Variants in TRMT1L observed in about 807,000 individuals in gnomAD.
The protein encoded by TRMT1L is tRNA methyltransferase 1L.
Under a neutral mutation model 81.6 loss-of-function variants are expected in TRMT1L, and 28 were observed. The observed-to-expected ratio is 0.34, with a 90% CI of 0.25 to 0.47. The LOEUF (loss-of-function observed/expected upper bound fraction) is 0.47. TRMT1L is among the 20% of genes least tolerant of loss of function. TRMT1L has a pLI of 1.00. For synonymous variants in TRMT1L, 301 were observed against 303.2 expected, an observed-to-expected ratio of 0.99 and a Z score of 0.07; for missense variants, 739 against 877.1, an observed-to-expected ratio of 0.84 and a Z score of 1.99.
Position 185,156,546 on chromosome 1 carries a change from G to T in TRMT1L, c.167C>A (p.Ala56Asp), listed in dbSNP as rs199956086. The T allele has an allele frequency of 3.5e-4, 562 of 1,609,444 alleles. No homozygotes were observed. The highest frequency in any genetic ancestry group is 4.6e-4 in the Non-Finnish European group (541 of 1,178,086). The change falls in exon 1 of 15, where the codon GCC becomes GAC. Residue 56 changes from alanine to aspartate, a missense_variant. Physicochemically the swap from Ala to Asp is moderately radical, Grantham distance 126. Coordinates refer to ENST00000367506, the MANE Select transcript of TRMT1L (RefSeq NM_030934.5). The part of the protein sequence containing the change: ...APTPASAPAP[A>D]PALAQAPALS... ...GGCCGGAGCCTGGGCCAGGGCAGGGGCTGGGGCTGGAGCCGAGGCCGGAGT... is the reference window on the plus strand; with the variant it reads ...GGCCGGAGCCTGGGCCAGGGCAGGGTCTGGGGCTGGAGCCGAGGCCGGAGT...
rs1231668189 is a variant in TRMT1L at position 185,118,127 on chromosome 1, G to C, written c.*1892C>G. ...TTTGTTTATCAAGTTTTAATGAAAG[G>C]ATACAACTGATGCTACTTTACAACA... On this transcript the variant is annotated 3_prime_UTR_variant, in exon 15 of 15. Transcript: ENST00000367506. 3 of 152,104 alleles carry C rather than the reference G, an allele frequency of 2.0e-5. No individual in the cohort carries two copies. The highest frequency in any genetic ancestry group is 4.4e-5 in the Non-Finnish European group (3 of 67,994). 9.4% of individuals were successfully genotyped at this position (152,104 alleles called of 1,614,324 possible).
upstream of TRMT1L, chr1:185,157,226 G>GGGCGGGGTGTGTGTGTGTGTTGGGA (rs1653655714): frequency 6.4e-6 from 1 of 156,380 alleles, no homozygotes; most frequent in African/African-American, 2.4e-5. Context: ...ACAGTTGGTG[G>GGGCGGGGTGTGTGTGTGTGTTGGGA]GGCGGGGTGT....
intron 7 of TRMT1L, among the ~76,000 whole-genome samples, chr1:185,141,501 C>T (rs779318840): frequency 3.9e-5 from 6 of 152,192 alleles, no homozygotes; most frequent in Admixed American, 6.5e-5. Context: ...GTCAGGAGTT[C>T]GAGACCAGCT....
chr1:185,133,511 T>C (rs557775426), intron 10 of TRMT1L, among the ~76,000 whole-genome samples: 4 of 152,122 alleles, frequency 2.6e-5, no homozygotes, highest in African/African-American at 7.2e-5. Flanking sequence ...ATGGCAAAAG[T>C]AATGGAGTAT....
Position 185,120,074 on chromosome 1 carries a change from C to G in TRMT1L, c.2147G>C (p.Arg716Thr). The change falls in exon 15 of 15, where the codon AGA (arginine) becomes ACA (threonine). Residue 716 changes from arginine (R) to threonine (T), a missense_variant. Physicochemically the swap from Arg to Thr is moderately conservative, Grantham distance 71 (BLOSUM62 -1). Transcript: ENST00000367506. ...QSASEDTVTE[R>T]VEMSVNDKAE... The stretch of plus-strand genomic sequence containing the variant: ...TTTGTCATTCACTGACATTTCAACT[C>G]TTTCAGTTACTGTATCTTCAGATGC... 1 of 1,613,960 alleles carries G rather than the reference C, an allele frequency of 6.2e-7. No individual in the cohort carries two copies. The highest frequency in any genetic ancestry group is 8.5e-7 in the Non-Finnish European group (1 of 1,179,930).
At chr1:185,128,529 G>A (rs1652691298) in intron 11 of TRMT1L, 140 bp downstream of exon 11, 2 of 747,372 alleles carry the variant, frequency 2.7e-6, no homozygotes, top group East Asian at 5.1e-5. Context: ...CAGGTTCATA[G>A]GAGGAGAAGA....
intron 6 of TRMT1L, 70 bp from the exon 7 acceptor site, chr1:185,143,506 A>C: frequency 4.3e-6 from 6 of 1,392,178 alleles, no homozygotes; most frequent in Non-Finnish European, 6.0e-6. Flanking sequence ...TTCATTTAAG[A>C]ATAGTGAACT....
At chr1:185,147,080 C>T (rs1180540118) in intron 4 of TRMT1L, 102 bp downstream of exon 4, 3 of 653,050 alleles carry the variant, frequency 4.6e-6, no homozygotes, top group Non-Finnish European at 7.6e-6. Flanking sequence ...TAAAGTAAAC[C>T]ACACTGCTGA....
At chr1:185,136,563 G>T (rs1056029841) in intron 10 of TRMT1L, among the ~76,000 whole-genome samples, 1 of 152,106 alleles carries the variant, frequency 6.6e-6, no homozygotes, top group Non-Finnish European at 1.5e-5. Flanking sequence ...AAAAATCACA[G>T]TATCTATTCT....
chr1:185,125,188 A>C (rs979873280), intron 11 of TRMT1L, 78 bp from the exon 12 acceptor site: 56 of 998,642 alleles, frequency 5.6e-5, no homozygotes, highest in Non-Finnish European at 7.8e-5. Flanking sequence ...CAATTTAACT[A>C]TAAGTAAGAT....
At chr1:185,155,380 CTTA>C (rs1653479744) in intron 1 of TRMT1L, among the ~76,000 whole-genome samples, 1 of 152,150 alleles carries the variant, frequency 6.6e-6, no homozygotes, top group Admixed American at 6.5e-5. Flanking sequence ...AACAACTGGC[CTTA>C]TTTTGTACCT....
chr1:185,149,344 GC>G (rs1406318351), intron 3 of TRMT1L, among the ~76,000 whole-genome samples: 3 of 142,170 alleles, frequency 2.1e-5, no homozygotes, highest in African/African-American at 7.9e-5. Context: ...TCACTCTGTT[GC>G]CCAGGCTGGA....
At chr1:185,121,010 AAAAC>A (rs1259171057) in intron 13 of TRMT1L, 1 of 152,274 alleles carries the variant, frequency 6.6e-6, no homozygotes, top group Non-Finnish European at 1.5e-5. Flanking sequence ...AAAACAAAGA[AAAAC>A]AACACAAAGT....
At position 185,119,896 on chromosome 1, in the gene TRMT1L, G is replaced by A. The variant is rs913167721; in HGVS notation, c.*123C>T. The A allele has an allele frequency of 5.7e-6, 7 of 1,217,882 alleles. No homozygotes were observed. The African/African-American group carries it at 9.1e-5, about 16-fold the overall frequency. The allele number at this position is 1,217,882 out of a possible 1,614,324, so 75.4% of individuals were successfully genotyped here. A position where few individuals can be genotyped will look rare whatever the true frequency, so the allele number is the denominator to read the frequency against. Reference sequence around the variant, plus strand: ...GTTAGAAACTGCTCAGTTTCTGAATGAAAATGACACTGTTTTTTATTTTTA... The same window carrying A: ...GTTAGAAACTGCTCAGTTTCTGAATAAAAATGACACTGTTTTTTATTTTTA... On this transcript the variant is annotated 3_prime_UTR_variant, in exon 15 of 15. Coordinates refer to ENST00000367506, the MANE Select transcript of TRMT1L (RefSeq NM_030934.5).
intron 7 of TRMT1L, among the ~76,000 whole-genome samples, chr1:185,140,874 T>C (rs12566404): frequency 0.35 from 52,337 of 149,332 alleles, 9,375 homozygotes; most frequent in Middle Eastern, 0.4. Flanking sequence ...CAGCTACTTT[T>C]GGGAGGCTGA....
intron 10 of TRMT1L, among the ~76,000 whole-genome samples, chr1:185,130,916 T>C (rs527569335): frequency 1.3e-5 from 2 of 152,312 alleles, no homozygotes; most frequent in Non-Finnish European, 2.9e-5. Flanking sequence ...AAAAGATCTA[T>C]GTATACTTGT....
intron 13 of TRMT1L, among the ~76,000 whole-genome samples, chr1:185,122,037 G>A (rs1652512561): frequency 6.6e-6 from 1 of 152,098 alleles, no homozygotes; most frequent in Non-Finnish European, 1.5e-5. Context: ...AGAACATGGG[G>A]CTTTGGTTTT....
At position 185,156,695 on chromosome 1, in the gene TRMT1L, C is replaced by T. The variant is rs181422823; in HGVS notation, c.18G>A (p.Glu6=). MENMA[E]EELLPLEKEE... is the part of the protein sequence containing the mutation. ...CCTTCTCCAGGGGCAGCAGCTCCTCCTCCGCCATATTCTCCATAGTTACCG... is the reference window on the plus strand; with the variant it reads ...CCTTCTCCAGGGGCAGCAGCTCCTCTTCCGCCATATTCTCCATAGTTACCG... Residue 6 remains glutamate, a synonymous_variant, in exon 1 of 15, where the codon GAG becomes GAA. Transcript: ENST00000367506. 1.2e-6 allele frequency: 2 copies of T among 1,612,604 alleles called. No individual in the cohort carries two copies. The highest frequency in any genetic ancestry group is 2.2e-5 in the East Asian group (1 of 44,816).
At chr1:185,147,644 T>A (rs1653225014) in intron 3 of TRMT1L, among the ~76,000 whole-genome samples, 1 of 152,176 alleles carries the variant, frequency 6.6e-6, no homozygotes, top group Admixed American at 6.6e-5. Context: ...TCTTCATCTA[T>A]GACATGGTAC....
Sources: gnomAD v4.1 joint callset for allele counts (sites outside exome capture counted in the v4.1 genomes callset) on GRCh38, gnomAD v4.1.1 for gene constraint, MANE v1.5 for transcripts, NCBI Gene and HGNC (gene_info 2026-07-23, HGNC 2026-07-21) for gene names.